NKAIN3: variants seen among roughly 807,000 people sequenced by gnomAD.
NKAIN3 encodes sodium/potassium transporting ATPase interacting 3, also known as sodium/potassium-transporting ATPase subunit beta-1-interacting protein 3.
A neutral mutation model predicts 30.2 loss-of-function variants in NKAIN3; 25 were observed. The observed-to-expected ratio is 0.83, with a 90% confidence interval of 0.60 to 1.16. The LOEUF (loss-of-function observed/expected upper bound fraction) is 1.16. Among genes scored for constraint, NKAIN3 ranks in the 50% most tolerant of loss-of-function variants. The pLI, the probability that NKAIN3 is intolerant of heterozygous loss-of-function variation, is 0.00. For synonymous variants in NKAIN3, 91 were observed against 89.6 expected, an observed-to-expected ratio of 1.02 and a Z score of -0.09; for missense variants, 225 against 254.1, an observed-to-expected ratio of 0.89 and a Z score of 0.78.
At chr8:62,938,167 C>T (rs1822846179) in intron 5 of NKAIN3, among the ~76,000 whole-genome samples, 1 of 152,064 alleles carries the variant, frequency 6.6e-6, no homozygotes, top group African/African-American at 2.4e-5. Context: ...CTCTAACGGC[C>T]CTGCCCTCAA....
At chr8:62,749,763 AC>A (rs1488639098) in intron 4 of NKAIN3, among the ~76,000 whole-genome samples, 3 of 144,142 alleles carry the variant, frequency 2.1e-5, no homozygotes, top group Non-Finnish European at 4.5e-5. Flanking sequence ...GTTCACTGCA[AC>A]CTCCGCTTCC....
At chr8:62,630,898 A>G (rs940213198) in intron 3 of NKAIN3, among the ~76,000 whole-genome samples, 1 of 152,074 alleles carries the variant, frequency 6.6e-6, no homozygotes, top group African/African-American at 2.4e-5. Context: ...ACAAGCCTCA[A>G]GCTTCTTTTT....
intron 1 of NKAIN3, among the ~76,000 whole-genome samples, chr8:62,328,188 C>A (rs1815207746): frequency 6.6e-6 from 1 of 152,054 alleles, no homozygotes; most frequent in Non-Finnish European, 1.5e-5. Flanking sequence ...AGCTGGAAAA[C>A]AATGCCAGTG....
At chr8:62,398,268 A>T (rs911073282) in intron 1 of NKAIN3, among the ~76,000 whole-genome samples, 1 of 152,176 alleles carries the variant, frequency 6.6e-6, no homozygotes, top group African/African-American at 2.4e-5. Context: ...GGCCATGGTG[A>T]CCCTGAATTC....
At chr8:62,611,190 A>G (rs1467809091) in intron 3 of NKAIN3, among the ~76,000 whole-genome samples, 1 of 152,174 alleles carries the variant, frequency 6.6e-6, no homozygotes, top group Non-Finnish European at 1.5e-5. Context: ...TGTTATGGGT[A>G]TATAGTAGCT....
intron 1 of NKAIN3, among the ~76,000 whole-genome samples, chr8:62,491,504 T>C (rs1022797498): frequency 1.3e-5 from 2 of 152,198 alleles, no homozygotes; most frequent in African/African-American, 2.4e-5. Flanking sequence ...CCTTTCCTTC[T>C]AGACTTTTCT....
chr8:62,409,184 CT>C (rs1301730208), intron 1 of NKAIN3, among the ~76,000 whole-genome samples: 1 of 151,766 alleles, frequency 6.6e-6, no homozygotes, highest in Non-Finnish European at 1.5e-5. Context: ...TTTATATTAA[CT>C]TTTTTTTGTT....
rs60487439 is a variant in NKAIN3, at chr8:62,790,549, T to TTGTG, written c.471+43436_471+43439dup. Among the ~76,000 whole-genome samples, 346 of 148,810 alleles carry TTGTG rather than the reference T, an allele frequency of 2.3e-3. 3 individuals are homozygous for TTGTG. The highest frequency in any genetic ancestry group is 8.2e-3 in the African/African-American group (333 of 40,674). On this transcript the variant is annotated intron_variant, in intron 4 of 6. Coordinates refer to ENST00000623646, the MANE Select transcript of NKAIN3 (RefSeq NM_001304533.3). ...GGCAGTGAGCAAGAGGCTCTTTTCC[T>TTGTG]TGTGTGTGTGTGTGTGTGTCTGTCT...
At chr8:62,718,869 G>A (rs1348440887) in intron 3 of NKAIN3, among the ~76,000 whole-genome samples, 1 of 151,758 alleles carries the variant, frequency 6.6e-6, no homozygotes, top group African/African-American at 2.4e-5. Context: ...AAGTATACAT[G>A]TTGTTTTATT....
chr8:62,287,617 G>A (rs978607618), intron 1 of NKAIN3, among the ~76,000 whole-genome samples: 1 of 151,968 alleles, frequency 6.6e-6, no homozygotes, highest in African/African-American at 2.4e-5. Context: ...GATTCTATTA[G>A]CACCTCTGTT....
At chr8:62,651,483 C>T (rs1307777008) in intron 3 of NKAIN3, among the ~76,000 whole-genome samples, 1 of 152,136 alleles carries the variant, frequency 6.6e-6, no homozygotes, top group Non-Finnish European at 1.5e-5. Flanking sequence ...GCTGCTATAA[C>T]AAAATACCAG....
Position 62,791,713 on chromosome 8 carries a change from T to C in NKAIN3, c.471+44584T>C, listed in dbSNP as rs144445851. ...GTGAGAATTAGCTTATTTTAAGGTG[T>C]TTTGACTTTCACTTATATAATGATT... On this transcript the variant is annotated intron_variant, in intron 4 of 6. Transcript: ENST00000623646. 1.1e-3 allele frequency among the ~76,000 whole-genome samples: 166 copies of C among 152,220 alleles called. 1 individual carries two copies. The highest frequency in any genetic ancestry group is 3.6e-3 in the African/African-American group (150 of 41,558).
chr8:62,627,459 C>G (rs1315108506), intron 3 of NKAIN3, among the ~76,000 whole-genome samples: 9 of 152,102 alleles, frequency 5.9e-5, no homozygotes, highest in Middle Eastern at 3.4e-3. Context: ...TTTCCCTCTG[C>G]TGTGGTAAGG....
intron 1 of NKAIN3, among the ~76,000 whole-genome samples, chr8:62,514,604 TTCAA>T (rs770579379): frequency 5.9e-5 from 9 of 152,174 alleles, no homozygotes; most frequent in Admixed American, 2.6e-4. Flanking sequence ...CTGATAGTAG[TTCAA>T]TCAGAGTCCA....
At chr8:62,851,098 T>C (rs899760717) in intron 4 of NKAIN3, among the ~76,000 whole-genome samples, 3 of 152,084 alleles carry the variant, frequency 2.0e-5, no homozygotes, top group Admixed American at 6.6e-5. Flanking sequence ...GCATGGAATG[T>C]TCTTCCATTT....
chr8:62,534,392 T>C (rs1808584522), intron 1 of NKAIN3, among the ~76,000 whole-genome samples: 1 of 152,108 alleles, frequency 6.6e-6, no homozygotes, highest in African/African-American at 2.4e-5. Context: ...TGCAACCTTC[T>C]CTCGCAGTGC....
intron 3 of NKAIN3, among the ~76,000 whole-genome samples, chr8:62,647,956 A>G (rs1350101591): frequency 6.6e-6 from 1 of 152,106 alleles, no homozygotes; most frequent in Non-Finnish European, 1.5e-5. Context: ...AACTTGATGC[A>G]GGTGGGGTGG....
At chr8:62,856,393 T>C in intron 4 of NKAIN3, 1 of 814,108 alleles carries the variant, frequency 1.2e-6, no homozygotes, top group Non-Finnish European at 2.2e-6. Context: ...GCTGGATTCC[T>C]CAAAGTGAAC....
chr8:62,800,555 CA>C (rs1818021662), intron 4 of NKAIN3, among the ~76,000 whole-genome samples: 1 of 151,636 alleles, frequency 6.6e-6, no homozygotes, highest in African/African-American at 2.4e-5. Flanking sequence ...CTGCACCTTC[CA>C]GGGATTTTCT....
Sources: allele counts gnomAD v4.1 joint callset (sites outside exome capture counted in the v4.1 genomes callset), GRCh38; gene constraint gnomAD v4.1.1; transcripts MANE v1.5; gene names NCBI Gene and HGNC (gene_info 2026-07-23, HGNC 2026-07-21).